The following MACROD2 variants were observed in gnomAD, a reference collection of about 807,000 sequenced individuals.
MACROD2 encodes the protein mono-ADP ribosylhydrolase 2, also known as ADP-ribose glycohydrolase MACROD2.
In MACROD2, 36 loss-of-function variants were observed where a neutral mutation model predicts 70.4. The ratio of observed to expected loss-of-function variants is 0.51; its 90% CI spans 0.39 to 0.68. MACROD2 has a LOEUF of 0.68. Among genes scored for constraint, MACROD2 ranks in the 30% least tolerant of loss-of-function variants. The probability of loss-of-function intolerance (pLI) is 0.00; values close to 1 mark genes in which losing one functional copy is unlikely to be tolerated. For synonymous variants in MACROD2, 172 were observed against 178.8 expected (o/e 0.96, Z 0.30); for missense variants, 496 against 538.4 (o/e 0.92, Z 0.78).
chr20:14,868,921 A>G (rs1009812605), intron 5 of MACROD2, among the ~76,000 whole-genome samples: 3 of 152,174 alleles, frequency 2.0e-5, no homozygotes, highest in African/African-American at 7.2e-5. Flanking sequence ...TTCTTGGTCA[A>G]GGACTATCGT....
chr20:14,936,622 A>G (rs1198769056), intron 5 of MACROD2, among the ~76,000 whole-genome samples: 1 of 151,430 alleles, frequency 6.6e-6, no homozygotes, highest in Non-Finnish European at 1.5e-5. Context: ...TTACAATTTT[A>G]AAGGTCCTTT....
At chr20:14,694,630 A>G (rs2071101027) in intron 5 of MACROD2, among the ~76,000 whole-genome samples, 1 of 152,204 alleles carries the variant, frequency 6.6e-6, no homozygotes, top group Non-Finnish European at 1.5e-5. Flanking sequence ...TGAGTTACAT[A>G]TAAATTAATT....
intron 3 of MACROD2, among the ~76,000 whole-genome samples, chr20:14,453,428 G>C (rs2084266260): frequency 1.3e-5 from 2 of 152,032 alleles, no homozygotes; most frequent in Admixed American, 1.3e-4. Context: ...CTTGCATGTG[G>C]TTGTTCCAGT....
chr20:13,999,103 G>T (rs1355393912), intron 1 of MACROD2, among the ~76,000 whole-genome samples: 1 of 152,024 alleles, frequency 6.6e-6, no homozygotes, highest in Non-Finnish European at 1.5e-5. Context: ...TCTTCCTTGT[G>T]TGTAAGATGA....
chr20:14,345,735 A>G (rs1419576397), intron 3 of MACROD2, among the ~76,000 whole-genome samples: 2 of 151,586 alleles, frequency 1.3e-5, no homozygotes, highest in Non-Finnish European at 2.9e-5. Flanking sequence ...TGGCCTGAAG[A>G]TGATTTTTCT....
chr20:15,449,632 G>T (rs1485856359), intron 7 of MACROD2, among the ~76,000 whole-genome samples: 2 of 151,912 alleles, frequency 1.3e-5, no homozygotes, highest in Non-Finnish European at 2.9e-5. Flanking sequence ...ACTTAGAAAG[G>T]CCTTCTATTT....
At chr20:14,667,716 C>T (rs550661203) in intron 4 of MACROD2, among the ~76,000 whole-genome samples, 1 of 152,290 alleles carries the variant, frequency 6.6e-6, no homozygotes, top group African/African-American at 2.4e-5. Context: ...ATAGCTTTAT[C>T]CTCTCTGAAA....
At chr20:15,299,262 G>A (rs1228113139) in intron 6 of MACROD2, among the ~76,000 whole-genome samples, 1 of 152,128 alleles carries the variant, frequency 6.6e-6, no homozygotes, top group East Asian at 1.9e-4. Context: ...ACTATCTTAA[G>A]AGTCATTGTC....
intron 3 of MACROD2, among the ~76,000 whole-genome samples, chr20:14,159,703 G>A (rs540180819): frequency 6.6e-6 from 1 of 152,100 alleles, no homozygotes; most frequent in Admixed American, 6.6e-5. Context: ...TTCCAATTTG[G>A]ATGTCTTTTC....
chr20:15,012,144 T>C (rs1600945608), intron 5 of MACROD2, among the ~76,000 whole-genome samples: 1 of 152,330 alleles, frequency 6.6e-6, no homozygotes, highest in East Asian at 1.9e-4. Flanking sequence ...AATTTCAAAA[T>C]ACTTTGTCAT....
rs1165796772 is a variant in MACROD2, at chr20:14,423,755, A to ATTTTTTTTTTTTTTTTT, written c.272-69716_272-69700dup. Among the ~76,000 whole-genome samples the ATTTTTTTTTTTTTTTTT allele has an allele frequency of 3.6e-4, 23 of 63,088 alleles. 1 individual carries two copies. The highest frequency in any genetic ancestry group is 8.9e-4 in the South Asian group (1 of 1,126). The allele number at this position is 63,088 out of a possible 152,430, so 41.4% of individuals were successfully genotyped here. ...GTCCACCATTTTGCTGACATCTTAA[A>ATTTTTTTTTTTTTTTTT]TTTTTTTTTTTTTTTTTTTTTTTTG... On this transcript the variant is annotated intron_variant, in intron 3 of 17. Coordinates refer to ENST00000684519, the MANE Select transcript of MACROD2 (RefSeq NM_001351661.2).
intron 3 of MACROD2, among the ~76,000 whole-genome samples, chr20:14,442,986 G>C (rs1286635211): frequency 6.6e-6 from 1 of 151,780 alleles, no homozygotes; most frequent in Non-Finnish European, 1.5e-5. Context: ...GGCTGAGACG[G>C]GAGAATGGCG....
At chr20:15,352,535 A>T (rs1228571018) in intron 6 of MACROD2, among the ~76,000 whole-genome samples, 1 of 152,192 alleles carries the variant, frequency 6.6e-6, no homozygotes, top group East Asian at 1.9e-4. Context: ...TATTTAAAAG[A>T]ATGTAAGAAA....
At chr20:14,097,271 T>A (rs548028591) in intron 3 of MACROD2, among the ~76,000 whole-genome samples, 26 of 152,312 alleles carry the variant, frequency 1.7e-4, no homozygotes, top group Middle Eastern at 6.8e-3. Context: ...GATAAATACA[T>A]CCATCTGATT....
At chr20:15,142,827 C>T (rs547990976) in intron 5 of MACROD2, among the ~76,000 whole-genome samples, 1 of 152,262 alleles carries the variant, frequency 6.6e-6, no homozygotes, top group African/African-American at 2.4e-5. Flanking sequence ...CATGTCCCTA[C>T]AAACGACATG....
At chr20:14,177,858 G>T (rs2148728852) in intron 3 of MACROD2, among the ~76,000 whole-genome samples, 1 of 152,128 alleles carries the variant, frequency 6.6e-6, no homozygotes, top group South Asian at 2.1e-4. Context: ...CAAAAATAAT[G>T]CACTAGGGAT....
intron 8 of MACROD2, among the ~76,000 whole-genome samples, chr20:15,601,340 C>G (rs1282948318): frequency 6.6e-6 from 1 of 152,128 alleles, no homozygotes; most frequent in Non-Finnish European, 1.5e-5. Context: ...AAAGCCTGAA[C>G]AGTTCAAAAC....
At chr20:14,863,199 G>A (rs1041023805) in intron 5 of MACROD2, among the ~76,000 whole-genome samples, 9 of 152,064 alleles carry the variant, frequency 5.9e-5, no homozygotes, top group Non-Finnish European at 8.8e-5. Context: ...TCCCTGAAGG[G>A]CAGCAACTTT....
At chr20:15,089,718 C>A (rs185392943) in intron 5 of MACROD2, among the ~76,000 whole-genome samples, 1 of 152,190 alleles carries the variant, frequency 6.6e-6, no homozygotes, top group African/African-American at 2.4e-5. Flanking sequence ...CTGCCTTCTT[C>A]TCAGCTGTTC....
Sources: allele counts gnomAD v4.1 joint callset (sites outside exome capture counted in the v4.1 genomes callset), GRCh38; gene constraint gnomAD v4.1.1; transcripts MANE v1.5; gene names NCBI Gene and HGNC (gene_info 2026-07-23, HGNC 2026-07-21).